The following TENM3 variants were observed in gnomAD, a reference collection of about 807,000 sequenced individuals.
TENM3 encodes teneurin-3.
TENM3 carries 63 observed loss-of-function variants against 255.1 expected under a neutral mutation model. That is an observed-to-expected ratio of 0.25 (90% CI 0.20 to 0.30). The LOEUF is 0.30. TENM3 is among the 10% of genes least tolerant of loss of function. TENM3 has a pLI of 1.00. For synonymous variants in TENM3, 1,306 were observed against 1,322.3 expected (o/e 0.99, Z 0.27); for missense variants, 2,929 against 3,461.1 (o/e 0.85, Z 3.86).
the TENM3 span, among the ~76,000 whole-genome samples, chr4:181,473,138 A>G: frequency 6.6e-6 from 1 of 152,200 alleles, no homozygotes; most frequent in Non-Finnish European, 1.5e-5. Flanking sequence ...TCATTAAACA[A>G]TATTTTAATG....
the TENM3 span, among the ~76,000 whole-genome samples, chr4:181,582,681 AAAAAAG>A: frequency 6.8e-6 from 1 of 148,098 alleles, no homozygotes. Flanking sequence ...AAAAAAAAAA[AAAAAAG>A]AAAGAAAGAA....
intron 2 of TENM3, among the ~76,000 whole-genome samples, chr4:182,325,579 C>A (rs1188393527): frequency 6.6e-6 from 1 of 152,000 alleles, no homozygotes; most frequent in Admixed American, 6.6e-5. Flanking sequence ...AATTTTAAAC[C>A]CATTTTTTTC....
the TENM3 span, among the ~76,000 whole-genome samples, chr4:181,740,528 C>A: frequency 1.3e-5 from 2 of 151,932 alleles, no homozygotes; most frequent in Non-Finnish European, 2.9e-5. Context: ...TAGTTTAATA[C>A]TTTAACAAGA....
the TENM3 span, chr4:181,906,007 T>C: frequency 2.1e-6 from 1 of 481,548 alleles, no homozygotes. Flanking sequence ...ATGCTTTTCA[T>C]TATATCTCGT....
chr4:181,457,309 G>A, the TENM3 span, among the ~76,000 whole-genome samples: 1,360 of 151,826 alleles, frequency 9.0e-3, 24 homozygotes, highest in African/African-American at 0.031. Flanking sequence ...TTCAGTGAGC[G>A]GCTTAGTGTG....
At chr4:181,782,711 T>C in the TENM3 span, among the ~76,000 whole-genome samples, 3 of 152,306 alleles carry the variant, frequency 2.0e-5, no homozygotes, top group Admixed American at 2.0e-4. Flanking sequence ...AATTGTGACT[T>C]TAGGGTGTCA....
chr4:182,591,934 T>C (rs578160039), intron 3 of TENM3, among the ~76,000 whole-genome samples: 1 of 152,284 alleles, frequency 6.6e-6, no homozygotes, highest in Admixed American at 6.5e-5. Flanking sequence ...AAGCACCTAT[T>C]TCCTTAACTC....
chr4:182,701,210 C>CTGTTTTTTT (rs1757832262), intron 12 of TENM3, among the ~76,000 whole-genome samples: 1 of 38,644 alleles, frequency 2.6e-5, no homozygotes, highest in Non-Finnish European at 4.3e-5. Flanking sequence ...CAACTCTTGA[C>CTGTTTTTTT]TTTTTTTTTT....
chr4:182,144,811 G>GTT (rs1749807825), intron 1 of TENM3: 1 of 150,922 alleles, frequency 6.6e-6, no homozygotes, highest in Non-Finnish European at 1.5e-5. Flanking sequence ...CCTAGTGCCG[G>GTT]GCCGCGGCGC....
chr4:182,332,611 G>A (rs745434332), intron 2 of TENM3, among the ~76,000 whole-genome samples: 11 of 151,574 alleles, frequency 7.3e-5, no homozygotes, highest in Admixed American at 1.3e-4. Context: ...GGAGAATGGC[G>A]TGAACCCGGG....
the TENM3 span, among the ~76,000 whole-genome samples, chr4:182,125,233 C>CTG: frequency 6.6e-6 from 1 of 152,194 alleles, no homozygotes; most frequent in East Asian, 1.9e-4. Context: ...CGCATCCACG[C>CTG]TGTGTGTGCT....
intron 3 of TENM3, among the ~76,000 whole-genome samples, chr4:182,416,859 G>T (rs184251696): frequency 4.6e-5 from 7 of 152,186 alleles, no homozygotes; most frequent in Admixed American, 3.9e-4. Context: ...AGAGGCACAC[G>T]TTGTCTGCAT....
At chr4:181,546,490 T>C in the TENM3 span, among the ~76,000 whole-genome samples, 11 of 151,718 alleles carry the variant, frequency 7.3e-5, no homozygotes, top group Non-Finnish European at 1.0e-4. Flanking sequence ...CCGAGGCGGC[T>C]GGATCACGAG....
chr4:181,998,066 G>C, the TENM3 span, among the ~76,000 whole-genome samples: 1 of 152,180 alleles, frequency 6.6e-6, no homozygotes, highest in Non-Finnish European at 1.5e-5. Context: ...CGATATTGCT[G>C]TTTGCCACTA....
chr4:182,487,390 G>A (rs1026821425), intron 3 of TENM3, among the ~76,000 whole-genome samples: 1 of 152,084 alleles, frequency 6.6e-6, no homozygotes, highest in Non-Finnish European at 1.5e-5. Flanking sequence ...TCAAGGTTGT[G>A]TAGATTACAA....
At chr4:181,547,966 C>G in the TENM3 span, among the ~76,000 whole-genome samples, 9,715 of 151,952 alleles carry the variant, frequency 0.064, 343 homozygotes, top group South Asian at 0.15. Flanking sequence ...CCCGTCCCCC[C>G]ACCCCACAAC....
the TENM3 span, among the ~76,000 whole-genome samples, chr4:181,896,291 G>A: frequency 6.6e-6 from 1 of 151,494 alleles, no homozygotes; most frequent in East Asian, 1.9e-4. Context: ...CTGACCTTAA[G>A]TAAGTCAATT....
At chr4:181,792,052 G>C in the TENM3 span, among the ~76,000 whole-genome samples, 1 of 152,140 alleles carries the variant, frequency 6.6e-6, no homozygotes, top group South Asian at 2.1e-4. Flanking sequence ...CTGAGTTTCC[G>C]ACTGCATTTT....
At chr4:182,370,667 C>T (rs1354633198) in intron 3 of TENM3, among the ~76,000 whole-genome samples, 3 of 152,162 alleles carry the variant, frequency 2.0e-5, no homozygotes, top group African/African-American at 7.2e-5. Flanking sequence ...CCCAGGTTTT[C>T]CCAAGTATTG....
Sources: gnomAD v4.1 joint callset for allele counts (sites outside exome capture counted in the v4.1 genomes callset) on GRCh38, gnomAD v4.1.1 for gene constraint, MANE v1.5 for transcripts, NCBI Gene and HGNC (gene_info 2026-07-23, HGNC 2026-07-21) for gene names.